Variants in UGT1A8 observed in about 807,000 individuals in gnomAD.
UGT1A8 encodes the protein UDP-glucuronosyltransferase 1A8.
A neutral mutation model predicts 45.3 loss-of-function variants in UGT1A8; 39 were observed. The ratio of observed to expected loss-of-function variants is 0.86; its 90% CI spans 0.67 to 1.12. The LOEUF (loss-of-function observed/expected upper bound fraction) is 1.12. UGT1A8 is among the 50% of genes most tolerant of loss of function. The probability of loss-of-function intolerance (pLI) is 0.00; values close to 1 mark genes in which losing one functional copy is unlikely to be tolerated. For missense variants in UGT1A8, 719 were observed against 664.9 expected (o/e 1.08, Z -0.90); for synonymous variants, 275 against 249.2 (o/e 1.10, Z -0.97).
chr2:233,702,177 T>C (rs2075673724), intron 1 of UGT1A8, among the ~76,000 whole-genome samples: 1 of 152,186 alleles, frequency 6.6e-6, no homozygotes. Flanking sequence ...CTTCTTTCTC[T>C]CCTTCCTCCA....
At position 233,769,521 on chromosome 2, in the gene UGT1A8, C is replaced by A. The variant is rs753723506; in HGVS notation, c.1295+1082C>A. The A allele has an allele frequency of 4.3e-6, 7 of 1,612,800 alleles. No homozygotes were observed. The East Asian group carries it at 1.6e-4, about 36-fold the overall frequency. On this transcript the variant is annotated intron_variant, in intron 4 of 4. Transcript: ENST00000373450. The surrounding 1 kb of genome is among the most constrained non-coding windows in gnomAD (Gnocchi z 4.4). ...TGTCCATTGCTTTCTCCCATGGTTACCTCCTTTAGAAAGAAGCAGCAGTCA... is the reference window on the plus strand; with the variant it reads ...TGTCCATTGCTTTCTCCCATGGTTAACTCCTTTAGAAAGAAGCAGCAGTCA...
rs559233241 is a variant in UGT1A8 at position 233,729,998 on chromosome 2, G to A, written c.856-37036G>A. 3 of 1,613,920 alleles carry A rather than the reference G, an allele frequency of 1.9e-6. No individual in the cohort carries two copies. In the East Asian group the frequency reaches 6.7e-5, roughly 36 times the overall value. On this transcript the variant is annotated intron_variant, in intron 1 of 4. Coordinates refer to ENST00000373450, the MANE Select transcript of UGT1A8 (RefSeq NM_019076.5). Reference sequence around the variant, plus strand: ...AACAGGAAGCCACTATCTCAGGTCTGTATTGGTGCCTTCATCCAATCAATG... The same window carrying A: ...AACAGGAAGCCACTATCTCAGGTCTATATTGGTGCCTTCATCCAATCAATG...
chr2:233,747,315 A>C (rs1575682403), intron 1 of UGT1A8: 2 of 1,603,160 alleles, frequency 1.2e-6, no homozygotes, highest in Non-Finnish European at 1.7e-6. Context: ...TGCTGGTGGT[A>C]CCCATTGATG....
chr2:233,715,158 T>G (rs1299357923), intron 1 of UGT1A8, among the ~76,000 whole-genome samples: 2 of 152,186 alleles, frequency 1.3e-5, no homozygotes, highest in Admixed American at 6.5e-5. Context: ...AGTGCTGGAA[T>G]TACAGGCGCG....
chr2:233,751,386 C>T (rs1694713563), intron 1 of UGT1A8, among the ~76,000 whole-genome samples: 1 of 152,086 alleles, frequency 6.6e-6, no homozygotes, highest in African/African-American at 2.4e-5. Flanking sequence ...TGCCTTGTCT[C>T]AGATAAGACT....
chr2:233,691,799 C>A (rs996955976), intron 1 of UGT1A8: 20 of 224,136 alleles, frequency 8.9e-5, no homozygotes, highest in Admixed American at 2.6e-4. Context: ...ACTTATACTT[C>A]TCAAATCTTA....
intron 1 of UGT1A8, among the ~76,000 whole-genome samples, chr2:233,631,683 T>C (rs944100469): frequency 1.3e-5 from 2 of 151,288 alleles, no homozygotes; most frequent in South Asian, 2.1e-4. Context: ...TTTGATGGGG[T>C]TTTTTTTTCT....
intron 1 of UGT1A8, among the ~76,000 whole-genome samples, chr2:233,702,709 T>C (rs1270831508): frequency 2.0e-5 from 3 of 152,216 alleles, no homozygotes; most frequent in Non-Finnish European, 4.4e-5. Context: ...TTTTTCTGTG[T>C]CTATTGAAAT....
intron 1 of UGT1A8, among the ~76,000 whole-genome samples, chr2:233,676,695 T>G (rs2074368645): frequency 6.6e-6 from 1 of 152,224 alleles, no homozygotes; most frequent in Admixed American, 6.5e-5. Context: ...TCCTGTAGAA[T>G]GTTCCTCTAG....
chr2:233,744,946 A>G (rs563141954), intron 1 of UGT1A8, among the ~76,000 whole-genome samples: 4 of 152,034 alleles, frequency 2.6e-5, no homozygotes, highest in African/African-American at 7.3e-5. Context: ...CAGTATTTGT[A>G]TATAACCTAC....
At chr2:233,685,220 A>G (rs1254045639) in intron 1 of UGT1A8, among the ~76,000 whole-genome samples, 1 of 152,114 alleles carries the variant, frequency 6.6e-6, no homozygotes, top group Non-Finnish European at 1.5e-5. Flanking sequence ...TTTAATAGAG[A>G]CGGGGTTTCA....
intron 1 of UGT1A8, chr2:233,752,621 T>A (rs1428833052): frequency 3.3e-5 from 5 of 152,162 alleles, no homozygotes; most frequent in Admixed American, 3.3e-4. Context: ...TAGCTAGGTG[T>A]GGTAGCTGTT....
At chr2:233,694,475 C>T (rs1176108446) in intron 1 of UGT1A8, among the ~76,000 whole-genome samples, 1 of 152,164 alleles carries the variant, frequency 6.6e-6, no homozygotes, top group Non-Finnish European at 1.5e-5. Flanking sequence ...GGTATGGCCT[C>T]TGACCTAAGA....
intron 1 of UGT1A8, chr2:233,693,817 G>A (rs1367141196): frequency 6.2e-7 from 1 of 1,614,142 alleles, no homozygotes; most frequent in Non-Finnish European, 8.5e-7. Flanking sequence ...TGCCCAACAT[G>A]GTCTTCATTG....
rs146169334 is a variant in UGT1A8 at position 233,742,180 on chromosome 2, T to C, written c.856-24854T>C. 6.3e-4 allele frequency among the ~76,000 whole-genome samples: 95 copies of C among 151,416 alleles called. 3 individuals carry two copies. The highest frequency in any genetic ancestry group is 2.3e-3 in the African/African-American group (94 of 40,990). On this transcript the variant is annotated intron_variant, in intron 1 of 4. Transcript: ENST00000373450. Reference sequence around the variant, plus strand: ...AAGACACACACACAGAAATATAGAGTGTGGAGTGGGAAATCAGGGGACTCA... The same window carrying C: ...AAGACACACACACAGAAATATAGAGCGTGGAGTGGGAAATCAGGGGACTCA...
intron 1 of UGT1A8, chr2:233,755,163 G>C: frequency 2.3e-6 from 3 of 1,285,674 alleles, no homozygotes; most frequent in Non-Finnish European, 3.2e-6. Flanking sequence ...CCTGTCCTCG[G>C]GGTTTTTGTC....
intron 1 of UGT1A8, chr2:233,692,795 C>A: frequency 7.3e-7 from 1 of 1,377,212 alleles, no homozygotes; most frequent in Non-Finnish European, 9.4e-7. Flanking sequence ...TGAAAGCTGA[C>A]ACGGCCATAG....
rs574223666 is a variant in UGT1A8, at chr2:233,734,984, T to C, written c.856-32050T>C. ...GTGATGTGGTGCTGAGAAGAATGTA[T>C]ATTCTCTTGACTTAGGGTGGAGAGT... On this transcript the variant is annotated intron_variant, in intron 1 of 4. Transcript: ENST00000373450. Among the ~76,000 whole-genome samples, 9 of 152,370 alleles carry C rather than the reference T, an allele frequency of 5.9e-5. No homozygotes were observed. In the East Asian group the frequency reaches 1.5e-3, roughly 26 times the overall value.
chr2:233,744,938 G>A (rs940061009), intron 1 of UGT1A8, among the ~76,000 whole-genome samples: 6 of 151,930 alleles, frequency 3.9e-5, no homozygotes, highest in African/African-American at 1.5e-4. Flanking sequence ...AAATGACACA[G>A]TATTTGTATA....
Sources: gnomAD v4.1 joint callset for allele counts (sites outside exome capture counted in the v4.1 genomes callset) on GRCh38, gnomAD v4.1.1 for gene constraint, Gnocchi (gnomAD v3.1) non-coding constraint, MANE v1.5 for transcripts, NCBI Gene and HGNC (gene_info 2026-07-23, HGNC 2026-07-21) for gene names.